The following EFEMP1 variants were observed in gnomAD, a reference collection of about 807,000 sequenced individuals.
The protein encoded by EFEMP1 is EGF-like fibulin extracellular matrix protein 1.
Under a neutral mutation model 65.7 loss-of-function variants are expected in EFEMP1, and 18 were observed. The ratio of observed to expected loss-of-function variants is 0.27; its 90% CI spans 0.19 to 0.41. EFEMP1 has a LOEUF of 0.41. Among genes scored for constraint, EFEMP1 ranks in the 10% least tolerant of loss-of-function variants. EFEMP1 has a pLI of 1.00. For missense variants in EFEMP1, 469 were observed against 624.8 expected (o/e 0.75, Z 2.66); for synonymous variants, 237 against 219.7 (o/e 1.08, Z -0.70).
At chr2:55,913,401 C>T (rs1040146325) in intron 5 of EFEMP1, among the ~76,000 whole-genome samples, 7 of 152,026 alleles carry the variant, frequency 4.6e-5, no homozygotes, top group African/African-American at 9.7e-5. Flanking sequence ...ATTGGACATT[C>T]GTACTGAGTT....
chr2:55,922,393 C>T lies in EFEMP1; in HGVS notation c.48G>A (p.Lys16=). 6.2e-7 allele frequency: 1 copy of T among 1,614,004 alleles called. No homozygotes were observed. The highest frequency in any genetic ancestry group is 8.5e-7 in the Non-Finnish European group (1 of 1,179,890). Reference sequence around the variant, plus strand: ...TGATGGTTTCTTCGGTGTCCTGTGACTTGACCAGCGCCAGAGTCAGCATAG... The same window carrying T: ...TGATGGTTTCTTCGGTGTCCTGTGATTTGACCAGCGCCAGAGTCAGCATAG... ...FLTMLTLALV[K]SQDTEETITY... Residue 16 remains lysine (K), a synonymous_variant, in exon 3 of 12, where the codon AAG becomes AAA. Coordinates refer to ENST00000355426, the MANE Select transcript of EFEMP1 (RefSeq NM_001039348.3). The surrounding 1 kb of genome is among the most constrained non-coding windows in gnomAD (Gnocchi z 5.5).
At position 55,917,321 on chromosome 2, in the gene EFEMP1, A is replaced by G. The variant is rs1036345602; in HGVS notation, c.517+344T>C. On this transcript the variant is annotated intron_variant, in intron 5 of 11. Transcript: ENST00000355426. This position sits in a 1 kb window ranked among gnomAD's most constrained non-coding sequence, Gnocchi z 6.3. ...TGGCCGCACATGAGGAACTGAAAAA[A>G]AAGCCGATGCCTGGAACCCACCTCA... 6.6e-6 allele frequency among the ~76,000 whole-genome samples: 1 copy of G among 152,148 alleles called. No individual in the cohort carries two copies. Among genetic ancestry groups the G allele is most frequent in the African/African-American group, 2.4e-5 (1 of 41,434 alleles).
intron 5 of EFEMP1, among the ~76,000 whole-genome samples, chr2:55,891,039 T>A (rs567881093): frequency 2.6e-5 from 4 of 152,202 alleles, no homozygotes; most frequent in Admixed American, 2.6e-4. Flanking sequence ...TTGTACAGAT[T>A]ATTTTGTCAG....
At chr2:55,895,890 A>T (rs1259724793) in intron 5 of EFEMP1, among the ~76,000 whole-genome samples, 1 of 152,122 alleles carries the variant, frequency 6.6e-6, no homozygotes, top group Non-Finnish European at 1.5e-5. Flanking sequence ...CTATCTCTGG[A>T]AACTCTACTG....
intron 6 of EFEMP1, 89 bp downstream of exon 6, chr2:55,881,523 G>T: frequency 1.3e-6 from 2 of 1,556,772 alleles, no homozygotes; most frequent in Non-Finnish European, 1.8e-6. Context: ...ACTCTCCAAA[G>T]AAACATGAAT....
rs755710198 is a variant in EFEMP1, at chr2:55,871,092, G to A, written c.1032C>T (p.Cys344=). Residue 344 remains cysteine, a synonymous_variant, in exon 10 of 12, where the codon TGC becomes TGT. Transcript: ENST00000355426. The surrounding 1 kb of genome is among the most constrained non-coding windows in gnomAD (Gnocchi z 4.2). Reference sequence around the variant, plus strand: ...AATTCCAACACATTTCATCCTCCCGGCATTCATTTGTGGTCTCACACTCAT... The same window carrying A: ...AATTCCAACACATTTCATCCTCCCGACATTCATTTGTGGTCTCACACTCAT... ...DINECETTNE[C]REDEMCWNYH... The A allele has an allele frequency of 3.1e-6, 5 of 1,613,612 alleles. No homozygotes were observed. In the Admixed American group the frequency reaches 5.0e-5, roughly 16 times the overall value.
rs545781637 is a variant in EFEMP1, at chr2:55,921,831, G to A, written c.81+529C>T. 1 of 165,652 alleles carries A rather than the reference G, an allele frequency of 6.0e-6. No homozygotes were observed. Among genetic ancestry groups the A allele is most frequent in the East Asian group, 1.7e-4 (1 of 6,038 alleles). The allele number at this position is 165,652 out of a possible 1,614,324, so 10.3% of individuals were successfully genotyped here. A position where few individuals can be genotyped will look rare whatever the true frequency, so the allele number is the denominator to read the frequency against. ...CCTGGTAACACATAAACTGTTGTCT[G>A]CCTTTATTTATTAGAATTATCAAGT... On this transcript the variant is annotated intron_variant, in intron 3 of 11. Transcript: ENST00000355426. The surrounding 1 kb of genome is among the most constrained non-coding windows in gnomAD (Gnocchi z 4.1).
In EFEMP1 at chr2:55,870,942, C is replaced by A. The variant is rs769156471; in HGVS notation, c.1125-27G>T. On this transcript the variant is annotated intron_variant, in intron 10 of 11. Coordinates refer to ENST00000355426, the MANE Select transcript of EFEMP1 (RefSeq NM_001039348.3). This position sits in a 1 kb window ranked among gnomAD's most constrained non-coding sequence, Gnocchi z 5.8. ...TGCAGAGACAAACAAAAGTATTCAG[C>A]AGTTTGGCTTGGTAAGACCAGAAAA... 1.4e-5 allele frequency: 23 copies of A among 1,613,688 alleles called. No individual in the cohort carries two copies. In the Admixed American group the frequency reaches 3.7e-4, roughly 26 times the overall value.
intron 8 of EFEMP1, among the ~76,000 whole-genome samples, chr2:55,876,125 C>T (rs901306057): frequency 4.6e-5 from 7 of 152,060 alleles, no homozygotes; most frequent in Non-Finnish European, 1.0e-4. Context: ...CCAGGCAACT[C>T]AAGAAATGTG....
At chr2:55,894,710 G>T (rs1399409741) in intron 5 of EFEMP1, among the ~76,000 whole-genome samples, 4 of 152,160 alleles carry the variant, frequency 2.6e-5, no homozygotes, top group Non-Finnish European at 5.9e-5. Flanking sequence ...AATACAAAAT[G>T]ACCTTCTTCA....
At chr2:55,874,704 T>C (rs1053247513) in intron 9 of EFEMP1, among the ~76,000 whole-genome samples, 3 of 152,180 alleles carry the variant, frequency 2.0e-5, no homozygotes, top group South Asian at 2.1e-4. Context: ...GTAGGTTACA[T>C]AGAATACATA....
At chr2:55,881,075 G>T (rs2104390961) in intron 6 of EFEMP1, among the ~76,000 whole-genome samples, 1 of 152,352 alleles carries the variant, frequency 6.6e-6, no homozygotes, top group South Asian at 2.1e-4. Flanking sequence ...TTACTGCACA[G>T]GGACAGGCAC....
Position 55,870,943 on chromosome 2 carries a change from A to C in EFEMP1, c.1125-28T>G, listed in dbSNP as rs1668783648. 2 of 1,613,746 alleles carry C rather than the reference A, an allele frequency of 1.2e-6. No homozygotes were observed. Among genetic ancestry groups the C allele is most frequent in the Non-Finnish European group, 1.7e-6 (2 of 1,179,782 alleles). On this transcript the variant is annotated intron_variant, in intron 10 of 11. Transcript: ENST00000355426. This position sits in a 1 kb window ranked among gnomAD's most constrained non-coding sequence, Gnocchi z 5.8. ...GCAGAGACAAACAAAAGTATTCAGC[A>C]GTTTGGCTTGGTAAGACCAGAAAAT...
At chr2:55,903,305 C>A (rs1395539806) in intron 5 of EFEMP1, among the ~76,000 whole-genome samples, 1 of 152,130 alleles carries the variant, frequency 6.6e-6, no homozygotes, top group East Asian at 1.9e-4. Context: ...CAGTATCTAA[C>A]CAAAGGAGAA....
In EFEMP1 at chr2:55,884,662, G is replaced by A. The variant is rs143866528; in HGVS notation, c.518-2928C>T. Among the ~76,000 whole-genome samples the A allele has an allele frequency of 2.1e-3, 314 of 152,318 alleles. 1 individual carries two copies. Among genetic ancestry groups the A allele is most frequent in the African/African-American group, 7.3e-3 (305 of 41,558 alleles). ...CAAAAGCAATGCTTTATTTATAAGG[G>A]AAACTACTCAGGTCAGCCATGATTT... On this transcript the variant is annotated intron_variant, in intron 5 of 11. Coordinates refer to ENST00000355426, the MANE Select transcript of EFEMP1 (RefSeq NM_001039348.3).
chr2:55,916,563 G>T (rs1418077964), intron 5 of EFEMP1, among the ~76,000 whole-genome samples: 1 of 152,212 alleles, frequency 6.6e-6, no homozygotes, highest in African/African-American at 2.4e-5. Flanking sequence ...AACCCTTGGT[G>T]TTAAGGGAGG....
chr2:55,911,084 T>C (rs540292191), intron 5 of EFEMP1, among the ~76,000 whole-genome samples: 1 of 152,348 alleles, frequency 6.6e-6, no homozygotes, highest in African/African-American at 2.4e-5. Context: ...AGAATAGTTA[T>C]ATGATTGCAT....
chr2:55,898,559 C>T (rs990136988), intron 5 of EFEMP1, among the ~76,000 whole-genome samples: 4 of 152,064 alleles, frequency 2.6e-5, no homozygotes, highest in African/African-American at 9.7e-5. Flanking sequence ...TAGGCCCTTA[C>T]CACTAATGCT....
At position 55,917,680 on chromosome 2, in the gene EFEMP1, G is replaced by A. The variant is rs1284659196; in HGVS notation, c.502C>T (p.His168Tyr). 2 of 1,614,220 alleles carry A rather than the reference G, an allele frequency of 1.2e-6. No homozygotes were observed. Among genetic ancestry groups the A allele is most frequent in the African/African-American group, 1.3e-5 (1 of 75,046 alleles). Residue 168 changes from histidine to tyrosine, a missense_variant, in exon 5 of 12, where the codon CAC (histidine) becomes TAC (tyrosine). Physicochemically the swap from His to Tyr is moderately conservative, Grantham distance 83. Transcript: ENST00000355426. This position sits in a 1 kb window ranked among gnomAD's most constrained non-coding sequence, Gnocchi z 6.3. The part of the protein sequence containing the change: ...QCAAGYEQSE[H>Y]NVCQDIDECT... ...TTATTCCTACCTTGGCACACGTTGTGTTCACTTTGCTCGTAGCCTGCTGCA... is the reference window on the plus strand; with the variant it reads ...TTATTCCTACCTTGGCACACGTTGTATTCACTTTGCTCGTAGCCTGCTGCA...
Sources: allele counts gnomAD v4.1 joint callset (sites outside exome capture counted in the v4.1 genomes callset), GRCh38; gene constraint gnomAD v4.1.1; non-coding constraint Gnocchi (gnomAD v3.1); transcripts MANE v1.5; gene names NCBI Gene and HGNC (gene_info 2026-07-23, HGNC 2026-07-21).